Variants in KLRG2 observed in about 807,000 individuals in gnomAD.
KLRG2 encodes killer cell lectin-like receptor subfamily G member 2.
KLRG2 carries 39 observed loss-of-function variants against 35.4 expected under a neutral mutation model. The ratio of observed to expected loss-of-function variants is 1.10; its 90% CI spans 0.85 to 1.44. The LOEUF (loss-of-function observed/expected upper bound fraction) is 1.44, where lower values mean the gene tolerates loss of function less well. Ranked by LOEUF, KLRG2 falls within the 40% of genes most tolerant of loss-of-function variation. The pLI, the probability that KLRG2 is intolerant of heterozygous loss-of-function variation, is 0.00. For missense variants in KLRG2, 632 were observed against 570.9 expected (o/e 1.11, Z -1.09); for synonymous variants, 283 against 265.8 (o/e 1.06, Z -0.63).
At chr7:139,477,903 C>G (rs959291749) in intron 3 of KLRG2, among the ~76,000 whole-genome samples, 1 of 151,912 alleles carries the variant, frequency 6.6e-6, no homozygotes, top group Non-Finnish European at 1.5e-5. Flanking sequence ...GGACTACAGG[C>G]GCCCGCCACC....
At chr7:139,470,682 T>A (rs1796740147) in intron 3 of KLRG2, among the ~76,000 whole-genome samples, 1 of 151,974 alleles carries the variant, frequency 6.6e-6, no homozygotes, top group Non-Finnish European at 1.5e-5. Flanking sequence ...TCCCAGCTAC[T>A]TGGGAGGTTG....
At chr7:139,433,008 G>T in the KLRG2 span, among the ~76,000 whole-genome samples, 1 of 152,254 alleles carries the variant, frequency 6.6e-6, no homozygotes, top group Admixed American at 6.5e-5. Flanking sequence ...CGCTTCTCAA[G>T]ATAATCACTA....
chr7:139,440,275 A>ATT, the KLRG2 span, among the ~76,000 whole-genome samples: 2,449 of 130,084 alleles, frequency 0.019, 85 homozygotes, highest in African/African-American at 0.066. Flanking sequence ...ACACCTGGCT[A>ATT]TTTTTTTTTT....
intron 3 of KLRG2, among the ~76,000 whole-genome samples, chr7:139,463,527 C>A (rs540259459): frequency 6.6e-6 from 1 of 152,210 alleles, no homozygotes; most frequent in Non-Finnish European, 1.5e-5. Context: ...AGCGGCCAGG[C>A]GTTCCTACAG....
In KLRG2 at chr7:139,480,156, G is replaced by A. The variant is rs780026481; in HGVS notation, c.849C>T (p.Ala283=). 1 of 1,612,756 alleles carries A rather than the reference G, an allele frequency of 6.2e-7. No individual in the cohort carries two copies. The highest frequency in any genetic ancestry group is 1.1e-5 in the South Asian group (1 of 91,046). ...AVSGVVIVVL[A]SRAGARCQQC... Reference sequence around the variant, plus strand: ...GCAGGGACACCATACCTGCTCTTGAGGCCAGGACCACAATGACAACCCCAG... The same window carrying A: ...GCAGGGACACCATACCTGCTCTTGAAGCCAGGACCACAATGACAACCCCAG... The change falls in exon 2 of 5, where the codon GCC becomes GCT. Residue 283 remains alanine (A), a synonymous_variant. Coordinates refer to ENST00000340940, the MANE Select transcript of KLRG2 (RefSeq NM_198508.4).
the KLRG2 span, among the ~76,000 whole-genome samples, chr7:139,447,544 G>A: frequency 6.6e-6 from 1 of 151,930 alleles, no homozygotes; most frequent in South Asian, 2.1e-4. Flanking sequence ...GGGATTACAG[G>A]CGCCCACCAC....
At chr7:139,434,490 C>A in the KLRG2 span, among the ~76,000 whole-genome samples, 1 of 152,222 alleles carries the variant, frequency 6.6e-6, no homozygotes, top group Non-Finnish European at 1.5e-5. Flanking sequence ...GGGGCCAAAG[C>A]CTGCCCTCCC....
chr7:139,469,040 T>G (rs1796714015), intron 3 of KLRG2, among the ~76,000 whole-genome samples: 1 of 152,216 alleles, frequency 6.6e-6, no homozygotes, highest in Non-Finnish European at 1.5e-5. Flanking sequence ...ACCCAGAACC[T>G]GCTGACATCT....
chr7:139,442,129 G>A, the KLRG2 span, among the ~76,000 whole-genome samples: 1 of 152,220 alleles, frequency 6.6e-6, no homozygotes, highest in Non-Finnish European at 1.5e-5. Flanking sequence ...AGCAAAGCAT[G>A]ACAGGATGCT....
At chr7:139,455,840 TA>T (rs1009145344) in intron 3 of KLRG2, among the ~76,000 whole-genome samples, 3 of 152,256 alleles carry the variant, frequency 2.0e-5, no homozygotes, top group African/African-American at 7.2e-5. Flanking sequence ...TGAACTTATC[TA>T]AAGATAACAC....
the KLRG2 span, among the ~76,000 whole-genome samples, chr7:139,437,438 A>G: frequency 6.6e-6 from 1 of 151,534 alleles, no homozygotes; most frequent in South Asian, 2.1e-4. Flanking sequence ...AAAAAAAAAA[A>G]AAAAAAAAAA....
At chr7:139,468,237 T>C (rs1309771535) in intron 3 of KLRG2, among the ~76,000 whole-genome samples, 1 of 152,106 alleles carries the variant, frequency 6.6e-6, no homozygotes, top group Non-Finnish European at 1.5e-5. Flanking sequence ...CGGGATCCTC[T>C]ATATGCTGAA....
chr7:139,473,253 C>G (rs1796791543), intron 3 of KLRG2, among the ~76,000 whole-genome samples: 1 of 151,878 alleles, frequency 6.6e-6, no homozygotes, highest in South Asian at 2.1e-4. Flanking sequence ...TGCATTCCAG[C>G]CTGGGTGACA....
intron 3 of KLRG2, among the ~76,000 whole-genome samples, chr7:139,469,210 A>G (rs559914328): frequency 6.6e-6 from 1 of 152,294 alleles, no homozygotes; most frequent in African/African-American, 2.4e-5. Context: ...CCCAGGCTGG[A>G]GTGCGGTGGT....
the KLRG2 span, among the ~76,000 whole-genome samples, chr7:139,442,190 G>A: frequency 2.0e-5 from 3 of 152,156 alleles, no homozygotes; most frequent in Non-Finnish European, 4.4e-5. Flanking sequence ...GAACACAGGA[G>A]GTGAGGCTGA....
At chr7:139,463,328 C>G (rs1796599960) in intron 3 of KLRG2, among the ~76,000 whole-genome samples, 1 of 152,166 alleles carries the variant, frequency 6.6e-6, no homozygotes, top group African/African-American at 2.4e-5. Context: ...AAATTAGATT[C>G]CAGCCCTCAA....
the KLRG2 span, among the ~76,000 whole-genome samples, chr7:139,446,525 A>G: frequency 2.0e-5 from 3 of 150,810 alleles, no homozygotes; most frequent in South Asian, 6.3e-4. Context: ...AATTTTTTGT[A>G]TTACGGAGTT....
Position 139,453,274 on chromosome 7 carries a change from G to C in KLRG2, c.*313C>G, listed in dbSNP as rs1183679334. The C allele has an allele frequency of 1.3e-5, 6 of 478,596 alleles. No homozygotes were observed. The highest frequency in any genetic ancestry group is 8.1e-5 in the African/African-American group (4 of 49,394). 29.6% of individuals were successfully genotyped at this position (478,596 alleles called of 1,614,324 possible). ...TAACCCTGTCTTTTTCCTCTAGGGG[G>C]AAATTGTCATTTTAATGAAACCAAG... On this transcript the variant is annotated 3_prime_UTR_variant, in exon 5 of 5. Transcript: ENST00000340940.
rs1287234163 is a variant in KLRG2, at chr7:139,479,709, GAGA to G, written c.920_922del (p.Phe307del). 1.9e-6 allele frequency: 3 copies of G among 1,614,096 alleles called. No individual in the cohort carries two copies. Among genetic ancestry groups the G allele is most frequent in the Admixed American group, 1.7e-5 (1 of 60,016 alleles). ...GGCTTCCCAGGCCTGCGCTTCTGCA[GAGA>G]AGTAGTAACAGTGCTCCTCGGACAA... On this transcript the variant is annotated inframe_deletion, in exon 3 of 5. Coordinates refer to ENST00000340940, the MANE Select transcript of KLRG2 (RefSeq NM_198508.4).
Sources: gnomAD v4.1 joint callset for allele counts (sites outside exome capture counted in the v4.1 genomes callset) on GRCh38, gnomAD v4.1.1 for gene constraint, MANE v1.5 for transcripts, NCBI Gene and HGNC (gene_info 2026-07-23, HGNC 2026-07-21) for gene names.